IDE: variants seen among roughly 807,000 people sequenced by gnomAD.
IDE encodes insulin-degrading enzyme.
Under a neutral mutation model 133.2 loss-of-function variants are expected in IDE, and 58 were observed. The ratio of observed to expected loss-of-function variants is 0.44; its 90% CI spans 0.35 to 0.54. The LOEUF is 0.54. IDE is among the 20% of genes least tolerant of loss of function. The pLI, the probability that IDE is intolerant of heterozygous loss-of-function variation, is 0.00. For missense variants in IDE, 981 were observed against 1,234.0 expected, an observed-to-expected ratio of 0.79 and a Z score of 3.07; for synonymous variants, 396 against 421.3, an observed-to-expected ratio of 0.94 and a Z score of 0.73.
chr10:92,496,673 C>T (rs146750465), intron 11 of IDE, among the ~76,000 whole-genome samples: 383 of 152,306 alleles, frequency 2.5e-3, no homozygotes, highest in Non-Finnish European at 4.3e-3. Flanking sequence ...GTAATGCCAG[C>T]CACTCGGGAG....
intron 13 of IDE, among the ~76,000 whole-genome samples, chr10:92,486,547 T>C (rs550079967): frequency 1.2e-4 from 18 of 151,746 alleles, no homozygotes; most frequent in African/African-American, 4.1e-4. Context: ...AGAAACAGTT[T>C]AGAAGGGAGA....
chr10:92,471,865 A>T (rs1278930608), intron 17 of IDE, among the ~76,000 whole-genome samples: 1 of 152,044 alleles, frequency 6.6e-6, no homozygotes, highest in Non-Finnish European at 1.5e-5. Context: ...CGCCTGGCTA[A>T]TTTTTGTATT....
intron 19 of IDE, 83 bp downstream of exon 19, chr10:92,468,796 T>C: frequency 4.3e-6 from 3 of 690,586 alleles, no homozygotes; most frequent in East Asian, 2.6e-5. Context: ...GGCGTAAAAC[T>C]ATACCAAATT....
intron 22 of IDE, among the ~76,000 whole-genome samples, chr10:92,459,824 CTTTTTTTTTTTT>C (rs901315055): frequency 1.1e-5 from 1 of 92,782 alleles, no homozygotes; most frequent in Non-Finnish European, 2.0e-5. Context: ...GTGTGAACCT[CTTTTTTTTTTTT>C]TTTTTTTTTT....
intron 4 of IDE, among the ~76,000 whole-genome samples, chr10:92,526,109 C>T (rs369655780): frequency 1.3e-5 from 2 of 150,086 alleles, no homozygotes; most frequent in Non-Finnish European, 3.0e-5. Context: ...GCTGAGATGG[C>T]GCCACTGCAC....
At chr10:92,524,411 A>AATATATT (rs1195255861) in intron 4 of IDE, among the ~76,000 whole-genome samples, 2 of 9,614 alleles carry the variant, frequency 2.1e-4, no homozygotes, top group South Asian at 1.0e-3. Flanking sequence ...TATAATATAT[A>AATATATT]TTATATTATA....
chr10:92,546,702 C>T (rs1040093555), intron 1 of IDE, among the ~76,000 whole-genome samples: 6 of 152,180 alleles, frequency 3.9e-5, no homozygotes, highest in African/African-American at 1.4e-4. Context: ...ATTCAGTATG[C>T]TAAATCTTTT....
At chr10:92,487,468 T>C (rs1589407594) in intron 12 of IDE, 150 bp from the exon 13 acceptor site, 1 of 699,552 alleles carries the variant, frequency 1.4e-6, no homozygotes, top group East Asian at 3.0e-5. Flanking sequence ...CTACCAAATC[T>C]ATCGATGGGT....
At chr10:92,530,069 T>C (rs1849831656) in intron 4 of IDE, among the ~76,000 whole-genome samples, 1 of 151,858 alleles carries the variant, frequency 6.6e-6, no homozygotes, top group African/African-American at 2.4e-5. Context: ...CTACTAAAAG[T>C]ACACAAATTA....
intron 4 of IDE, among the ~76,000 whole-genome samples, chr10:92,524,882 T>C (rs1849541598): frequency 6.6e-6 from 1 of 151,922 alleles, no homozygotes; most frequent in South Asian, 2.1e-4. Context: ...ACCACTGTAC[T>C]CCAGCCTGGG....
At chr10:92,478,648 T>C in intron 15 of IDE, 1 of 1,239,528 alleles carries the variant, frequency 8.1e-7, no homozygotes, top group Non-Finnish European at 1.0e-6. Context: ...TACTTACAAG[T>C]ATTGCATTCA....
At chr10:92,507,437 T>C (rs1474862956) in intron 9 of IDE, 138 bp downstream of exon 9, 6 of 646,834 alleles carry the variant, frequency 9.3e-6, no homozygotes, top group African/African-American at 1.8e-5. Context: ...CTAATACTAT[T>C]ATACATTGCA....
chr10:92,474,470 ACT>A (rs1001226341), intron 17 of IDE: 48 of 153,310 alleles, frequency 3.1e-4, no homozygotes, highest in Admixed American at 1.8e-3. Context: ...CAAAGCCACC[ACT>A]GTTTTTTTAC....
At chr10:92,531,985 T>G (rs1248095749) in intron 3 of IDE, 68 bp from the exon 4 acceptor site, 3 of 1,144,576 alleles carry the variant, frequency 2.6e-6, no homozygotes, top group Non-Finnish European at 3.5e-6. Context: ...TTAGAAAGAT[T>G]TTTGGAACTT....
chr10:92,507,605 T>A lies in IDE; in HGVS notation c.1215A>T (p.Gly405=). 1 of 1,608,948 alleles carries A rather than the reference T, an allele frequency of 6.2e-7. No individual in the cohort carries two copies. The highest frequency in any genetic ancestry group is 8.5e-7 in the Non-Finnish European group (1 of 1,175,306). ...FQYIQKLRAE[G]PQEWVFQECK... is the part of the protein sequence containing the mutation. Reference sequence around the variant, plus strand: ...ACTCTTGGAAAACCCATTCTTGAGGTCCTTCTGCACGTAACTTCTGAATGT... The same window carrying A: ...ACTCTTGGAAAACCCATTCTTGAGGACCTTCTGCACGTAACTTCTGAATGT... The change falls in exon 9 of 25, where the codon GGA becomes GGT. Residue 405 remains glycine, a synonymous_variant. Coordinates refer to ENST00000265986, the MANE Select transcript of IDE (RefSeq NM_004969.4).
chr10:92,536,986 C>T (rs1365320390), intron 2 of IDE, among the ~76,000 whole-genome samples: 3 of 150,374 alleles, frequency 2.0e-5, no homozygotes, highest in Non-Finnish European at 4.4e-5. Flanking sequence ...TGCAGTGAGC[C>T]GAGATTGCGC....
intron 21 of IDE, 25 bp downstream of exon 21, chr10:92,463,706 T>C (rs1400295933): frequency 6.2e-7 from 1 of 1,601,304 alleles, no homozygotes; most frequent in Non-Finnish European, 8.5e-7. Context: ...ATGCCATAAA[T>C]GTTGGAGCCC....
chr10:92,528,027 C>G (rs1044936113), intron 4 of IDE, among the ~76,000 whole-genome samples: 26 of 152,134 alleles, frequency 1.7e-4, no homozygotes, highest in African/African-American at 6.3e-4. Flanking sequence ...TTCTGGCAAC[C>G]TTGCTGAATT....
chr10:92,550,611 A>C (rs1842733664), intron 1 of IDE, among the ~76,000 whole-genome samples: 1 of 147,194 alleles, frequency 6.8e-6, no homozygotes, highest in African/African-American at 2.5e-5. Flanking sequence ...AGATAGCGCC[A>C]CTACACTCCA....
Sources: gnomAD v4.1 joint callset for allele counts (sites outside exome capture counted in the v4.1 genomes callset) on GRCh38, gnomAD v4.1.1 for gene constraint, MANE v1.5 for transcripts, NCBI Gene and HGNC (gene_info 2026-07-23, HGNC 2026-07-21) for gene names.